The following GOLGA6L9 variants were observed in gnomAD, a reference collection of about 807,000 sequenced individuals.
The protein encoded by GOLGA6L9 is golgin A6 family like 9.
GOLGA6L9 carries 19 observed loss-of-function variants against 51.3 expected under a neutral mutation model. That is an observed-to-expected ratio of 0.37 (90% CI 0.26 to 0.54). GOLGA6L9 has a LOEUF of 0.54. GOLGA6L9 is among the 20% of genes least tolerant of loss of function. GOLGA6L9 has a pLI of 0.83. For synonymous variants in GOLGA6L9, 97 were observed against 184.2 expected (o/e 0.53, Z 3.83); for missense variants, 247 against 464.1 (o/e 0.53, Z 4.30).
the GOLGA6L9 span, among the ~76,000 whole-genome samples, chr15:82,417,599 A>G: frequency 1.3e-5 from 2 of 152,338 alleles, no homozygotes; most frequent in East Asian, 3.9e-4. Context: ...CTTTCTTCCT[A>G]CTTTCTGAGA....
the GOLGA6L9 span, among the ~76,000 whole-genome samples, chr15:82,419,747 G>A: frequency 3.9e-5 from 6 of 152,186 alleles, no homozygotes; most frequent in East Asian, 1.9e-4. Flanking sequence ...TAGGATAGGC[G>A]TTAACAGTGA....
the GOLGA6L9 span, among the ~76,000 whole-genome samples, chr15:82,418,309 T>TA: frequency 1.3e-4 from 20 of 152,190 alleles, no homozygotes; most frequent in Admixed American, 2.6e-4. Context: ...TGGGGGGAAA[T>TA]ACAGCATTTG....
rs1463543048 is a variant in GOLGA6L9, at chr15:82,436,609, A to G, written c.*198A>G. 2.0e-5 allele frequency: 11 copies of G among 542,628 alleles called. No individual in the cohort carries two copies. The highest frequency in any genetic ancestry group is 3.2e-5 in the Non-Finnish European group (11 of 346,236). The allele number at this position is 542,628 out of a possible 1,614,324, so 33.6% of individuals were successfully genotyped here. A position where few individuals can be genotyped will look rare whatever the true frequency, so the allele number is the denominator to read the frequency against. ...TAGTTTAAATTTATTTGTGTTTCTA[A>G]TTTATAGTTTAAATTTATTTTTGTT... is the stretch of plus-strand genomic sequence containing the variant. On this transcript the variant is annotated 3_prime_UTR_variant, in exon 9 of 9. Coordinates refer to ENST00000618348, the MANE Select transcript of GOLGA6L9 (RefSeq NM_198181.4).
chr15:82,432,443 T>A, intron 2 of GOLGA6L9, 129 bp from the exon 3 acceptor site: 1 of 1,375,680 alleles, frequency 7.3e-7, no homozygotes, highest in Non-Finnish European at 9.7e-7. Flanking sequence ...ACAAAGGAGT[T>A]ATGGGAAAAA....
Position 82,430,049 on chromosome 15 carries a change from G to T in GOLGA6L9, c.-31G>T. ...ACAGCTGCCTGGTAGGTGACTGGAGGCATTGAGCAGTGCTCACTGGTATTT... is the reference window on the plus strand; with the variant it reads ...ACAGCTGCCTGGTAGGTGACTGGAGTCATTGAGCAGTGCTCACTGGTATTT... On this transcript the variant is annotated 5_prime_UTR_variant, in exon 1 of 9. Transcript: ENST00000618348. 1 of 713,706 alleles carries T rather than the reference G, an allele frequency of 1.4e-6. No homozygotes were observed. Among genetic ancestry groups the T allele is most frequent in the South Asian group, 1.5e-5 (1 of 67,284 alleles). 44.2% of individuals were successfully genotyped at this position (713,706 alleles called of 1,614,324 possible). A position where few individuals can be genotyped will look rare whatever the true frequency, so the allele number is the denominator to read the frequency against.
the GOLGA6L9 span, among the ~76,000 whole-genome samples, chr15:82,417,672 G>A: frequency 6.6e-6 from 1 of 152,198 alleles, no homozygotes; most frequent in Non-Finnish European, 1.5e-5. Context: ...TTGGATAATG[G>A]GTGACAATGT....
In GOLGA6L9 at chr15:82,437,764, CAAG is replaced by C. The variant is rs1157538919; in HGVS notation, c.*1354_*1356del. On this transcript the variant is annotated 3_prime_UTR_variant, in exon 9 of 9. Coordinates refer to ENST00000618348, the MANE Select transcript of GOLGA6L9 (RefSeq NM_198181.4). ...ACAGTATTATACTACATTTGAAAAT[CAAG>C]GAGCAGTTTATGCAACGTAAAACGT... The C allele has an allele frequency of 2.7e-5, 4 of 150,586 alleles. No homozygotes were observed. The highest frequency in any genetic ancestry group is 3.9e-4 in the East Asian group (2 of 5,184). 9.3% of individuals were successfully genotyped at this position (150,586 alleles called of 1,614,324 possible).
At chr15:82,420,821 T>G in the GOLGA6L9 span, among the ~76,000 whole-genome samples, 1 of 151,762 alleles carries the variant, frequency 6.6e-6, no homozygotes, top group Admixed American at 6.6e-5. Context: ...GGGTTTTTTT[T>G]GTTTTGTTTT....
intron 4 of GOLGA6L9, among the ~76,000 whole-genome samples, 160 bp from the exon 5 acceptor site, chr15:82,433,402 A>G: frequency 6.6e-6 from 1 of 152,032 alleles, no homozygotes; most frequent in Non-Finnish European, 1.5e-5. Flanking sequence ...GCTATGAAGA[A>G]CTGTACCTGG....
At position 82,436,324 on chromosome 15, in the gene GOLGA6L9, A is replaced by G; in HGVS notation, c.1212A>G (p.Thr404=). Residue 404 remains threonine (T), a synonymous_variant, in exon 9 of 9, where the codon ACA becomes ACG. Coordinates refer to ENST00000618348, the MANE Select transcript of GOLGA6L9 (RefSeq NM_198181.4). The part of the protein sequence containing the change: ...HPGLSGEAVG[T]GEAAGGAGEA... The stretch of plus-strand genomic sequence containing the variant: ...GCTTGAGTGGAGAAGCTGTTGGTAC[A>G]GGAGAGGCGGCAGGAGGAGCAGGAG... 1 of 1,590,988 alleles carries G rather than the reference A, an allele frequency of 6.3e-7. No homozygotes were observed. Among genetic ancestry groups the G allele is most frequent in the East Asian group, 2.2e-5 (1 of 44,524 alleles).
upstream of GOLGA6L9, among the ~76,000 whole-genome samples, chr15:82,425,110 AT>A (rs1214935971): frequency 2.0e-5 from 3 of 150,036 alleles, no homozygotes; most frequent in Admixed American, 6.7e-5. Flanking sequence ...TTGAAAAAAA[AT>A]AAGTAAATTT....
In GOLGA6L9 at chr15:82,438,240, C is replaced by T. The variant is rs895069467; in HGVS notation, c.*1829C>T. ...ATGACTAGGAATGACCTTCAGATAGCATTTAGCAACTGTAACCAATCTGAC... is the reference window on the plus strand; with the variant it reads ...ATGACTAGGAATGACCTTCAGATAGTATTTAGCAACTGTAACCAATCTGAC... On this transcript the variant is annotated 3_prime_UTR_variant, in exon 9 of 9. Transcript: ENST00000618348. 1 of 147,796 alleles carries T rather than the reference C, an allele frequency of 6.8e-6. No homozygotes were observed. Among genetic ancestry groups the T allele is most frequent in the Non-Finnish European group, 1.5e-5 (1 of 66,774 alleles). 9.2% of individuals were successfully genotyped at this position (147,796 alleles called of 1,614,324 possible).
upstream of GOLGA6L9, among the ~76,000 whole-genome samples, chr15:82,427,309 CTCTT>C (rs1189089889): frequency 1.8e-4 from 17 of 95,398 alleles, no homozygotes; most frequent in Non-Finnish European, 3.0e-4. Context: ...CTCCCTCCCT[CTCTT>C]TCTTTCCTCT....
chr15:82,433,362 C>T (rs1166954444), intron 4 of GOLGA6L9, among the ~76,000 whole-genome samples, 200 bp from the exon 5 acceptor site: 1 of 151,930 alleles, frequency 6.6e-6, no homozygotes, highest in Admixed American at 6.6e-5. Context: ...GCGAAGGGCT[C>T]CTGTCTGTCC....
rs1310289668 is a variant in GOLGA6L9 at position 82,436,500 on chromosome 15, C to T, written c.*89C>T. On this transcript the variant is annotated 3_prime_UTR_variant, in exon 9 of 9. Coordinates refer to ENST00000618348, the MANE Select transcript of GOLGA6L9 (RefSeq NM_198181.4). The stretch of plus-strand genomic sequence containing the variant: ...CATTTACTTCATTTGAATGTTAGAG[C>T]CACTTATGTTTGTGTTTCTAATTTA... 31 of 1,514,858 alleles carry T rather than the reference C, an allele frequency of 2.0e-5. 1 individual carries two copies. The highest frequency in any genetic ancestry group is 2.5e-5 in the Non-Finnish European group (28 of 1,126,724). The allele number at this position is 1,514,858 out of a possible 1,614,324, so 93.8% of individuals were successfully genotyped here. A position where few individuals can be genotyped will look rare whatever the true frequency, so the allele number is the denominator to read the frequency against.
chr15:82,432,524 C>G, intron 2 of GOLGA6L9, 48 bp from the exon 3 acceptor site: 2 of 1,591,934 alleles, frequency 1.3e-6, no homozygotes, highest in Non-Finnish European at 1.7e-6. Context: ...AGGGCTTAGA[C>G]AGTGAGGGGG....
At chr15:82,420,707 G>A in the GOLGA6L9 span, among the ~76,000 whole-genome samples, 5 of 152,024 alleles carry the variant, frequency 3.3e-5, no homozygotes, top group African/African-American at 4.8e-5. Context: ...AGCAAGCCAC[G>A]GGGCAGAAGG....
intron 7 of GOLGA6L9, chr15:82,435,333 T>C (rs2150831006): frequency 3.1e-6 from 1 of 322,814 alleles, no homozygotes; most frequent in East Asian, 9.0e-5. Flanking sequence ...TCATCTCTAC[T>C]AAAATTAAAA....
chr15:82,418,299 T>G, the GOLGA6L9 span, among the ~76,000 whole-genome samples: 6 of 152,122 alleles, frequency 3.9e-5, no homozygotes, highest in Non-Finnish European at 7.4e-5. Context: ...GCAAGTCTTC[T>G]GGGGGGAAAT....
Sources: gnomAD v4.1 joint callset for allele counts (sites outside exome capture counted in the v4.1 genomes callset) on GRCh38, gnomAD v4.1.1 for gene constraint, MANE v1.5 for transcripts, NCBI Gene and HGNC (gene_info 2026-07-23, HGNC 2026-07-21) for gene names.